Variants in DNAAF5 observed in about 807,000 individuals in gnomAD.
DNAAF5 encodes the protein dynein axonemal assembly factor 5, also known as HEAT repeat containing 2.
DNAAF5 carries 64 observed loss-of-function variants against 75.8 expected under a neutral mutation model. The ratio of observed to expected loss-of-function variants is 0.84; its 90% confidence interval spans 0.69 to 1.04. The LOEUF (loss-of-function observed/expected upper bound fraction) is 1.04. Ranked by LOEUF, DNAAF5 falls within the 50% of genes least tolerant of loss-of-function variation. The pLI, the probability that DNAAF5 is intolerant of heterozygous loss-of-function variation, is 0.00. For missense variants in DNAAF5, 1,269 were observed against 1,178.5 expected, an observed-to-expected ratio of 1.08 and a Z score of -1.12; for synonymous variants, 657 against 557.2, an observed-to-expected ratio of 1.18 and a Z score of -2.52.
At chr7:732,691 T>C (rs1781624780) in intron 2 of DNAAF5, 3 of 450,730 alleles carry the variant, frequency 6.7e-6, no homozygotes, top group Non-Finnish European at 1.3e-5. Flanking sequence ...CGTTATTAGA[T>C]TTTTTTCTAT....
intron 11 of DNAAF5, among the ~76,000 whole-genome samples, chr7:775,762 A>C (rs959439776): frequency 6.6e-6 from 1 of 152,202 alleles, no homozygotes; most frequent in Non-Finnish European, 1.5e-5. Flanking sequence ...TCGTGAAGGA[A>C]GCGTCGTGTG....
At chr7:763,617 CCCTGCACCCGCGGCTCTCGCTCT>C (rs1357536719) in intron 7 of DNAAF5, among the ~76,000 whole-genome samples, 166 bp from the exon 8 acceptor site, 16 of 152,210 alleles carry the variant, frequency 1.1e-4, no homozygotes, top group Non-Finnish European at 2.9e-5. Context: ...CAGGGTCTCG[CCCTGCACCCGCGGCTCTCGCTCT>C]CCTGCACCCT....
At chr7:765,791 TC>T (rs1487464274) in intron 8 of DNAAF5, among the ~76,000 whole-genome samples, 1 of 152,134 alleles carries the variant, frequency 6.6e-6, no homozygotes, top group Non-Finnish European at 1.5e-5. Context: ...GCCTCAAACT[TC>T]CGGGATCAAG....
intron 6 of DNAAF5, among the ~76,000 whole-genome samples, chr7:757,462 C>G (rs964890780): frequency 2.0e-5 from 3 of 152,010 alleles, no homozygotes; most frequent in African/African-American, 7.2e-5. Context: ...CCCAGGGTAC[C>G]TGCACAGATC....
At chr7:773,682 G>A (rs910222429) in intron 9 of DNAAF5, among the ~76,000 whole-genome samples, 8 of 152,280 alleles carry the variant, frequency 5.3e-5, no homozygotes, top group Middle Eastern at 3.4e-3. Context: ...GGGTGCTGCC[G>A]ACACCACCGC....
chr7:783,501 C>A (rs988944740), intron 12 of DNAAF5, among the ~76,000 whole-genome samples: 2 of 152,148 alleles, frequency 1.3e-5, no homozygotes, highest in African/African-American at 4.8e-5. Flanking sequence ...GCCTTGGAGC[C>A]CATGTCGGGA....
intron 12 of DNAAF5, among the ~76,000 whole-genome samples, chr7:783,068 G>A (rs1424507308): frequency 1.3e-5 from 2 of 152,272 alleles, no homozygotes; most frequent in Non-Finnish European, 2.9e-5. Flanking sequence ...GATTTTTTGT[G>A]TGAGAGCTTG....
chr7:784,408 G>C (rs1779084095), intron 12 of DNAAF5, among the ~76,000 whole-genome samples: 1 of 152,178 alleles, frequency 6.6e-6, no homozygotes, highest in Admixed American at 6.5e-5. Flanking sequence ...GTGGCCATCT[G>C]TCCTCAAGAC....
At chr7:740,777 C>G (rs1781880325) in intron 2 of DNAAF5, 42 bp from the exon 3 acceptor site, 2 of 1,609,850 alleles carry the variant, frequency 1.2e-6, no homozygotes, top group Non-Finnish European at 1.7e-6. Flanking sequence ...CCCGGCATCC[C>G]CTTTGCCTAC....
chr7:745,353 G>T (rs1447833144), intron 4 of DNAAF5, among the ~76,000 whole-genome samples: 1 of 152,216 alleles, frequency 6.6e-6, no homozygotes, highest in African/African-American at 2.4e-5. Context: ...GGGTCGGGGG[G>T]ACTGTTTCTG....
In DNAAF5 at chr7:785,692, C is replaced by G. The variant is rs779578549; in HGVS notation, c.*39C>G. On this transcript the variant is annotated 3_prime_UTR_variant, in exon 13 of 13. Coordinates refer to ENST00000297440, the MANE Select transcript of DNAAF5 (RefSeq NM_017802.4). ...AGCCACGGCACACCCTTGTCCCCACCTGAGCCAGAGTTTGTGGCCTTTAAA... is the reference window on the plus strand; with the variant it reads ...AGCCACGGCACACCCTTGTCCCCACGTGAGCCAGAGTTTGTGGCCTTTAAA... The G allele has an allele frequency of 6.2e-7, 1 of 1,602,382 alleles. No individual in the cohort carries two copies. The highest frequency in any genetic ancestry group is 8.5e-7 in the Non-Finnish European group (1 of 1,173,924).
Position 763,985 on chromosome 7 carries a change from C to T in DNAAF5, c.1783+11C>T. 6.2e-7 allele frequency: 1 copy of T among 1,600,654 alleles called. No individual in the cohort carries two copies. Among genetic ancestry groups the T allele is most frequent in the Non-Finnish European group, 8.5e-7 (1 of 1,179,758 alleles). ...TCGTCGCACAGTCAGGTGAGCCGTC[C>T]CGACAGCTGGCGTGCCGTGCCTGGC... On this transcript the variant is annotated intron_variant, in intron 8 of 12. Transcript: ENST00000297440.
intron 12 of DNAAF5, among the ~76,000 whole-genome samples, chr7:782,178 G>A (rs543412252): frequency 1.6e-4 from 24 of 152,074 alleles, no homozygotes; most frequent in Non-Finnish European, 2.6e-4. Context: ...GCCGCCTCCC[G>A]ACACGCGGCG....
rs1778880150 is a variant in DNAAF5 at position 779,939 on chromosome 7, C to T, written c.2240-14C>T. 7 of 1,612,048 alleles carry T rather than the reference C, an allele frequency of 4.3e-6. No individual in the cohort carries two copies. The highest frequency in any genetic ancestry group is 2.2e-5 in the East Asian group (1 of 44,882). ...GCTCTAGACTCACACACCTGTCTCG[C>T]TCCCTCCTTCCAGAACTCTTAAAAC... On this transcript the variant is annotated splice_polypyrimidine_tract_variant and intron_variant, in intron 11 of 12. Coordinates refer to ENST00000297440, the MANE Select transcript of DNAAF5 (RefSeq NM_017802.4).
At chr7:757,854 G>A (rs540857467) in intron 6 of DNAAF5, among the ~76,000 whole-genome samples, 2 of 152,360 alleles carry the variant, frequency 1.3e-5, no homozygotes, top group South Asian at 2.1e-4. Context: ...GATCGTTTCC[G>A]GCGGCTTCTA....
chr7:744,561 G>C (rs977672714), intron 4 of DNAAF5, among the ~76,000 whole-genome samples: 6 of 151,802 alleles, frequency 4.0e-5, no homozygotes, highest in African/African-American at 1.4e-4. Context: ...AAATGCTCAT[G>C]ATCACTGGCC....
chr7:753,719 T>C (rs1368928746), intron 4 of DNAAF5, among the ~76,000 whole-genome samples: 5 of 130,404 alleles, frequency 3.8e-5, no homozygotes, highest in East Asian at 2.5e-4. Flanking sequence ...CTCTCTCATA[T>C]GGGGACGGCT....
rs1781740635 is a variant in DNAAF5 at position 736,402 on chromosome 7, T to C, written c.781-4417T>C. On this transcript the variant is annotated intron_variant, in intron 2 of 12. Coordinates refer to ENST00000297440, the MANE Select transcript of DNAAF5 (RefSeq NM_017802.4). The stretch of plus-strand genomic sequence containing the variant: ...TCTGGATACTCCAGTGTTGGGTGCA[T>C]ATATATTTAAAGTTGTTATATCCTC... 2.0e-5 allele frequency among the ~76,000 whole-genome samples: 3 copies of C among 152,260 alleles called. No homozygotes were observed. In the South Asian group the frequency reaches 6.2e-4, roughly 32 times the overall value.
In DNAAF5 at chr7:754,683, G is replaced by A. The variant is rs763178767; in HGVS notation, c.1119G>A (p.Val373=). The A allele has an allele frequency of 6.2e-7, 1 of 1,614,046 alleles. No homozygotes were observed. Residue 373 remains valine (V), a synonymous_variant, in exon 5 of 13, where the codon GTG becomes GTA. Coordinates refer to ENST00000297440, the MANE Select transcript of DNAAF5 (RefSeq NM_017802.4). This position sits in a 1 kb window ranked among gnomAD's most constrained non-coding sequence, Gnocchi z 4.8. ...ALCHDITDWV[V]GTRVKSAQLL... The stretch of plus-strand genomic sequence containing the variant: ...GCCACGACATCACCGACTGGGTGGT[G>A]GGGACCCGAGTGAAGTCGGCACAGC...
Sources: gnomAD v4.1 joint callset for allele counts (sites outside exome capture counted in the v4.1 genomes callset) on GRCh38, gnomAD v4.1.1 for gene constraint, Gnocchi (gnomAD v3.1) non-coding constraint, MANE v1.5 for transcripts, NCBI Gene and HGNC (gene_info 2026-07-23, HGNC 2026-07-21) for gene names.